Variants in PTPRM observed in about 807,000 individuals in gnomAD.
The protein encoded by PTPRM is protein tyrosine phosphatase receptor type M.
Under a neutral mutation model 186.7 loss-of-function variants are expected in PTPRM, and 47 were observed. The observed-to-expected ratio is 0.25, with a 90% CI of 0.20 to 0.32. The LOEUF (loss-of-function observed/expected upper bound fraction) is 0.32. Ranked by LOEUF, PTPRM falls within the 10% of genes least tolerant of loss-of-function variation. The probability of loss-of-function intolerance (pLI) is 1.00; values close to 1 mark genes in which losing one functional copy is unlikely to be tolerated. For synonymous variants in PTPRM, 668 were observed against 674.9 expected (o/e 0.99, Z 0.16); for missense variants, 1,494 against 1,865.0 (o/e 0.80, Z 3.66).
At chr18:8,229,258 G>C (rs758355450) in intron 14 of PTPRM, among the ~76,000 whole-genome samples, 8 of 152,222 alleles carry the variant, frequency 5.3e-5, no homozygotes, top group Admixed American at 1.3e-4. Context: ...TCCTCACCCA[G>C]CTGGCACGTG....
intron 1 of PTPRM, among the ~76,000 whole-genome samples, chr18:7,644,348 C>G (rs1346440243): frequency 2.0e-5 from 3 of 152,086 alleles, no homozygotes; most frequent in African/African-American, 7.2e-5. Context: ...TAAACTAATA[C>G]ACTTGACTAA....
intron 14 of PTPRM, among the ~76,000 whole-genome samples, chr18:8,213,345 C>G (rs1335955360): frequency 6.6e-6 from 1 of 152,214 alleles, no homozygotes; most frequent in Non-Finnish European, 1.5e-5. Flanking sequence ...TGTCAGCATT[C>G]TTTTGATATT....
intron 14 of PTPRM, among the ~76,000 whole-genome samples, chr18:8,228,445 T>C (rs2094242480): frequency 6.6e-6 from 1 of 152,198 alleles, no homozygotes; most frequent in African/African-American, 2.4e-5. Context: ...GGCTGTTATA[T>C]TGTCATATGA....
At chr18:8,311,500 T>A (rs1194909625) in intron 20 of PTPRM, among the ~76,000 whole-genome samples, 1 of 152,120 alleles carries the variant, frequency 6.6e-6, no homozygotes, top group Admixed American at 6.5e-5. Flanking sequence ...TGGAGTCTTT[T>A]GGAGTTAGGC....
intron 7 of PTPRM, among the ~76,000 whole-genome samples, chr18:8,057,415 TG>T (rs1329686151): frequency 4.4e-4 from 58 of 130,742 alleles, no homozygotes; most frequent in South Asian, 2.2e-3. Context: ...GTTGTGATAC[TG>T]TGATACTTCT....
At position 8,116,433 on chromosome 18, in the gene PTPRM, T is replaced by C. The variant is rs1398775760; in HGVS notation, c.2167+1606T>C. Reference sequence around the variant, plus strand: ...GAAAAGGTGTATTTTTGGAGACGAATTGACTCACCAAGGTGACTCAGCTGA... The same window carrying C: ...GAAAAGGTGTATTTTTGGAGACGAACTGACTCACCAAGGTGACTCAGCTGA... On this transcript the variant is annotated intron_variant, in intron 13 of 32. Transcript: ENST00000580170. Among the ~76,000 whole-genome samples, 3 of 152,228 alleles carry C rather than the reference T, an allele frequency of 2.0e-5. No individual in the cohort carries two copies. In the East Asian group the frequency reaches 5.8e-4, roughly 29 times the overall value.
Position 8,244,052 on chromosome 18 carries a change from C to G in PTPRM, c.2301-6C>G. On this transcript the variant is annotated splice_polypyrimidine_tract_variant and splice_region_variant and intron_variant, in intron 14 of 32. Coordinates refer to ENST00000580170, the MANE Select transcript of PTPRM (RefSeq NM_001105244.2). ...ATGCCTACATAATTGAATTCTTTAT[C>G]CTAAGGAAACTGGCCAAGAAGCGGA... 2 of 1,606,804 alleles carry G rather than the reference C, an allele frequency of 1.2e-6. No homozygotes were observed. The highest frequency in any genetic ancestry group is 1.7e-6 in the Non-Finnish European group (2 of 1,177,668).
At chr18:7,607,075 A>G (rs2097290403) in intron 1 of PTPRM, among the ~76,000 whole-genome samples, 1 of 152,004 alleles carries the variant, frequency 6.6e-6, no homozygotes, top group African/African-American at 2.4e-5. Flanking sequence ...GGAACTTCAC[A>G]AAAGACTTCA....
intron 1 of PTPRM, among the ~76,000 whole-genome samples, chr18:7,773,601 T>G (rs1371756859): frequency 6.6e-6 from 1 of 151,622 alleles, no homozygotes; most frequent in Non-Finnish European, 1.5e-5. Context: ...TTGTTTGTTT[T>G]TTGAGACAGA....
intron 2 of PTPRM, among the ~76,000 whole-genome samples, chr18:7,880,790 G>T (rs2048467510): frequency 6.6e-6 from 1 of 152,080 alleles, no homozygotes; most frequent in Non-Finnish European, 1.5e-5. Flanking sequence ...TTGGAGGAGG[G>T]GTGTAACCTG....
At chr18:8,208,165 T>C (rs2110173) in intron 14 of PTPRM, among the ~76,000 whole-genome samples, 51,275 of 152,072 alleles carry the variant, frequency 0.34, 9,192 homozygotes, top group Middle Eastern at 0.52. Context: ...TGATGCGTGC[T>C]CTCCTGTGCA....
intron 1 of PTPRM, among the ~76,000 whole-genome samples, chr18:7,580,908 T>C (rs1466051203): frequency 6.6e-6 from 1 of 152,218 alleles, no homozygotes; most frequent in African/African-American, 2.4e-5. Flanking sequence ...GCTAGGAAGA[T>C]ATTAAGTGAT....
intron 1 of PTPRM, among the ~76,000 whole-genome samples, chr18:7,753,427 A>AT (rs1290399681): frequency 6.6e-6 from 1 of 152,180 alleles, no homozygotes; most frequent in African/African-American, 2.4e-5. Flanking sequence ...ACACATCTTG[A>AT]TTTGAGTGCT....
chr18:8,077,169 C>T (rs1232112422), intron 9 of PTPRM, among the ~76,000 whole-genome samples: 1 of 152,162 alleles, frequency 6.6e-6, no homozygotes, highest in East Asian at 1.9e-4. Flanking sequence ...ATCATCACAT[C>T]TGTGCAAGCA....
intron 3 of PTPRM, among the ~76,000 whole-genome samples, chr18:7,905,578 G>A (rs2049935725): frequency 6.6e-6 from 1 of 152,078 alleles, no homozygotes; most frequent in African/African-American, 2.4e-5. Flanking sequence ...GGAGTCTTCT[G>A]CAGCCTGGCC....
chr18:8,244,270 G>T lies in PTPRM; in HGVS notation c.2452+61G>T. On this transcript the variant is annotated intron_variant, in intron 15 of 32. Coordinates refer to ENST00000580170, the MANE Select transcript of PTPRM (RefSeq NM_001105244.2). ...CCTTGGTTTTGCAAGATTCCAGGTG[G>T]TACTAGGGGATTTCAAAAAAAAAAA... The T allele has an allele frequency of 3.9e-6, 5 of 1,297,440 alleles. No individual in the cohort carries two copies. The South Asian group carries it at 5.2e-5, about 14-fold the overall frequency. The allele number at this position is 1,297,440 out of a possible 1,614,324, so 80.4% of individuals were successfully genotyped here. A position where few individuals can be genotyped will look rare whatever the true frequency, so the allele number is the denominator to read the frequency against.
chr18:7,870,660 G>A (rs184028934), intron 2 of PTPRM, among the ~76,000 whole-genome samples: 1 of 152,218 alleles, frequency 6.6e-6, no homozygotes, highest in Admixed American at 6.5e-5. Context: ...TAAAAAATCT[G>A]ATAGACAATT....
intron 14 of PTPRM, among the ~76,000 whole-genome samples, chr18:8,204,820 A>G (rs557702440): frequency 6.6e-6 from 1 of 152,142 alleles, no homozygotes; most frequent in East Asian, 1.9e-4. Flanking sequence ...CACAAAACCA[A>G]TTTTTTTGAG....
At chr18:7,845,310 T>C (rs1398472297) in intron 2 of PTPRM, among the ~76,000 whole-genome samples, 1 of 152,214 alleles carries the variant, frequency 6.6e-6, no homozygotes, top group Non-Finnish European at 1.5e-5. Flanking sequence ...TGAGCTTGCA[T>C]TTGCTAAGAT....
Sources: gnomAD v4.1 joint callset for allele counts (sites outside exome capture counted in the v4.1 genomes callset) on GRCh38, gnomAD v4.1.1 for gene constraint, MANE v1.5 for transcripts, NCBI Gene and HGNC (gene_info 2026-07-23, HGNC 2026-07-21) for gene names.